CYTH2: variants seen among roughly 807,000 people sequenced by gnomAD.
CYTH2 encodes cytohesin-2.
Under a neutral mutation model 55.4 loss-of-function variants are expected in CYTH2, and 24 were observed. The observed-to-expected ratio is 0.43, with a 90% confidence interval of 0.31 to 0.61. The LOEUF is 0.61. CYTH2 is among the 20% of genes least tolerant of loss of function. CYTH2 has a pLI of 0.08. For synonymous variants in CYTH2, 221 were observed against 209.6 expected, an observed-to-expected ratio of 1.05 and a Z score of -0.47; for missense variants, 378 against 533.5, an observed-to-expected ratio of 0.71 and a Z score of 2.87.
Position 48,478,077 on chromosome 19 carries a change from G to A in CYTH2, c.817G>A (p.Val273Met), listed in dbSNP as rs563715406. The A allele has an allele frequency of 6.2e-7, 1 of 1,613,962 alleles. No homozygotes were observed. The highest frequency in any genetic ancestry group is 8.5e-7 in the Non-Finnish European group (1 of 1,179,974). Reference protein sequence around the residue: ...EGWLLKLGGRVKTWKRRWFIL... With the variant: ...EGWLLKLGGRMKTWKRRWFIL... ...CACCCCTTCCCTTTCAGGGGGCCGG[G>A]TGAAGACGTGGAAGCGGCGCTGGTT... Residue 273 changes from valine to methionine, a missense_variant, in exon 9 of 12, where the codon GTG becomes ATG. Physicochemically the swap from Val to Met is conservative, Grantham distance 21. Transcript: ENST00000452733.
intron 3 of CYTH2, among the ~76,000 whole-genome samples, chr19:48,471,910 G>T (rs1478912545): frequency 6.6e-6 from 1 of 152,132 alleles, no homozygotes; most frequent in Non-Finnish European, 1.5e-5. Context: ...AAATAAATTA[G>T]CCAGGTGTGT....
chr19:48,472,939 C>T, intron 4 of CYTH2: 1 of 319,068 alleles, frequency 3.1e-6, no homozygotes. Flanking sequence ...ATCTGGGGTG[C>T]TTGGGAAGCA....
chr19:48,473,138 C>G (rs1971838248), intron 4 of CYTH2, 160 bp from the exon 5 acceptor site: 1 of 717,912 alleles, frequency 1.4e-6, no homozygotes, highest in Non-Finnish European at 2.4e-6. Context: ...ATCCCCCACC[C>G]TGGGGGCAGG....
At chr19:48,473,412 A>G in intron 5 of CYTH2, 34 bp downstream of exon 5, 2 of 1,605,424 alleles carry the variant, frequency 1.2e-6, no homozygotes, top group South Asian at 2.2e-5. Flanking sequence ...AACGCCAGGA[A>G]TGTACCTGTC....
chr19:48,470,477 G>A lies in CYTH2; in HGVS notation c.144G>A (p.Glu48=). ...EELSEAMSEV[E]GLEANEGSKT... Reference sequence around the variant, plus strand: ...TCAGTGAAGCCATGAGCGAGGTGGAGGGGCTGGAGGCCAATGAGGGCAGGT... The same window carrying A: ...TCAGTGAAGCCATGAGCGAGGTGGAAGGGCTGGAGGCCAATGAGGGCAGGT... The change falls in exon 2 of 12, where the codon GAG becomes GAA. Residue 48 remains glutamate, a synonymous_variant. Coordinates refer to ENST00000452733, the MANE Select transcript of CYTH2 (RefSeq NM_004228.7). 1.9e-6 allele frequency: 3 copies of A among 1,614,054 alleles called. No individual in the cohort carries two copies. The highest frequency in any genetic ancestry group is 2.5e-6 in the Non-Finnish European group (3 of 1,179,922).
intron 8 of CYTH2, 24 bp from the exon 9 acceptor site, chr19:48,478,045 C>T (rs1437127568): frequency 1.2e-6 from 2 of 1,609,498 alleles, no homozygotes; most frequent in Non-Finnish European, 1.7e-6. Flanking sequence ...GAGCCCAGGC[C>T]CCCTCCCACC....
chr19:48,476,766 C>T (rs1427773086), intron 8 of CYTH2: 1 of 152,202 alleles, frequency 6.6e-6, no homozygotes, highest in Non-Finnish European at 1.5e-5. Context: ...ATCCCAGCTA[C>T]TTGGGAGGCT....
In CYTH2 at chr19:48,473,131, C is replaced by T. The variant is rs927315293; in HGVS notation, c.354-167C>T. On this transcript the variant is annotated intron_variant, in intron 4 of 11. Coordinates refer to ENST00000452733, the MANE Select transcript of CYTH2 (RefSeq NM_004228.7). ...CTCCCAAGAGTGTGTTCTGAGCATC[C>T]CCCACCCTGGGGGCAGGCCTGTGTG... is the stretch of plus-strand genomic sequence containing the variant. 1.0e-5 allele frequency: 7 copies of T among 680,492 alleles called. No individual in the cohort carries two copies. The Admixed American group carries it at 1.4e-4, about 14-fold the overall frequency. 42.2% of individuals were successfully genotyped at this position (680,492 alleles called of 1,614,324 possible).
chr19:48,476,000 G>T (rs769986318), intron 8 of CYTH2: 1 of 519,398 alleles, frequency 1.9e-6, no homozygotes, highest in Non-Finnish European at 3.9e-6. Flanking sequence ...CTCAGTGAAG[G>T]GAGTCAAGGT....
In CYTH2 at chr19:48,479,873, C is replaced by G. The variant is rs973109041; in HGVS notation, c.*663C>G. 1 of 148,934 alleles carries G rather than the reference C, an allele frequency of 6.7e-6. No homozygotes were observed. The highest frequency in any genetic ancestry group is 2.4e-5 in the African/African-American group (1 of 40,822). The allele number at this position is 148,934 out of a possible 1,614,324, so 9.2% of individuals were successfully genotyped here. ...GAGGTGGCCCATGTCCTGCAAGGGC[C>G]TTGCTGATGGGATGTCCTGAAGGGC... On this transcript the variant is annotated 3_prime_UTR_variant, in exon 12 of 12. Coordinates refer to ENST00000452733, the MANE Select transcript of CYTH2 (RefSeq NM_004228.7).
At position 48,474,449 on chromosome 19, in the gene CYTH2, A is replaced by G; in HGVS notation, c.696+119A>G. On this transcript the variant is annotated intron_variant, in intron 7 of 11. Coordinates refer to ENST00000452733, the MANE Select transcript of CYTH2 (RefSeq NM_004228.7). This position sits in a 1 kb window ranked among gnomAD's most constrained non-coding sequence, Gnocchi z 4.9. ...CCCTCACCCCCAAGATGGTGCGATC[A>G]TGCCAACTCGTGTGTGATCTTTTTC... 2 of 1,075,216 alleles carry G rather than the reference A, an allele frequency of 1.9e-6. No homozygotes were observed. The highest frequency in any genetic ancestry group is 2.6e-6 in the Non-Finnish European group (2 of 769,062). The allele number at this position is 1,075,216 out of a possible 1,614,324, so 66.6% of individuals were successfully genotyped here.
rs1972025728 is a variant in CYTH2, at chr19:48,480,393, T to A, written c.*1183T>A. On this transcript the variant is annotated 3_prime_UTR_variant, in exon 12 of 12. Transcript: ENST00000452733. The stretch of plus-strand genomic sequence containing the variant: ...GCCCGCTGTGTTCGCTTTTGAGCTC[T>A]CCGATGGGATGCGGCGCTTCGGAAT... The A allele has an allele frequency of 6.6e-6, 1 of 152,214 alleles. No individual in the cohort carries two copies. Among genetic ancestry groups the A allele is most frequent in the African/African-American group, 2.4e-5 (1 of 41,460 alleles). The allele number at this position is 152,214 out of a possible 1,614,324, so 9.4% of individuals were successfully genotyped here.
In CYTH2 at chr19:48,481,484, T is replaced by TA. The variant is rs1972043484; in HGVS notation, c.*2274_*2275insA. ...AGCTCCCAGCACGCTTCTGATTTTT[T>TA]TTGTAGGTTTTTTTTTTTGTTTTTT... On this transcript the variant is annotated 3_prime_UTR_variant, in exon 12 of 12. Coordinates refer to ENST00000452733, the MANE Select transcript of CYTH2 (RefSeq NM_004228.7). 1 of 119,458 alleles carries TA rather than the reference T, an allele frequency of 8.4e-6. No homozygotes were observed. The highest frequency in any genetic ancestry group is 1.8e-5 in the Non-Finnish European group (1 of 54,872). The allele number at this position is 119,458 out of a possible 1,614,324, so 7.4% of individuals were successfully genotyped here. A position where few individuals can be genotyped will look rare whatever the true frequency, so the allele number is the denominator to read the frequency against.
intron 1 of CYTH2, 179 bp downstream of exon 1, chr19:48,469,705 G>A: frequency 3.0e-6 from 3 of 998,230 alleles, no homozygotes; most frequent in Non-Finnish European, 4.3e-6. Context: ...AAAGCCGGGC[G>A]TTCCAGGCCA....
At chr19:48,478,623 AG>A in intron 11 of CYTH2, 31 bp downstream of exon 11, 1 of 1,509,050 alleles carries the variant, frequency 6.6e-7, no homozygotes, top group Non-Finnish European at 8.9e-7. Flanking sequence ...CTGATGGAGG[AG>A]GGGCTGGGGC....
intron 11 of CYTH2, 133 bp downstream of exon 11, chr19:48,478,725 CGGA>C: frequency 3.3e-6 from 2 of 611,068 alleles, no homozygotes; most frequent in Non-Finnish European, 4.8e-6. Flanking sequence ...CTGGGTCTGA[CGGA>C]GGAGGGGCTG....
In CYTH2 at chr19:48,478,093, G is replaced by A. The variant is rs776425963; in HGVS notation, c.833G>A (p.Arg278Gln). 5 of 1,614,012 alleles carry A rather than the reference G, an allele frequency of 3.1e-6. No homozygotes were observed. The highest frequency in any genetic ancestry group is 2.7e-5 in the African/African-American group (2 of 74,938). Residue 278 changes from arginine to glutamine, a missense_variant, in exon 9 of 12, where the codon CGG (arginine) becomes CAG (glutamine). Arg to Gln is a conservative substitution (Grantham distance 43). Transcript: ENST00000452733. ...GGGGGCCGGGTGAAGACGTGGAAGC[G>A]GCGCTGGTTTATCCTCACAGACAAC... ...KLGGRVKTWKRRWFILTDNCL... is the reference protein window; with the variant it reads ...KLGGRVKTWKQRWFILTDNCL...
At chr19:48,478,802 G>T (rs1601029493) in intron 11 of CYTH2, among the ~76,000 whole-genome samples, 1 of 149,548 alleles carries the variant, frequency 6.7e-6, no homozygotes, top group East Asian at 2.0e-4. Flanking sequence ...TCTGACGGAG[G>T]AGGGGCCGGG....
Position 48,470,586 on chromosome 19 carries a change from G to A in CYTH2, c.168-17G>A. ...GCATTGACCCTCCACCCCCAACCCT[G>A]CTCTCTGCTCCTGCAGTAAGACCTT... On this transcript the variant is annotated splice_polypyrimidine_tract_variant and intron_variant, in intron 2 of 11. Transcript: ENST00000452733. The A allele has an allele frequency of 6.2e-7, 1 of 1,614,246 alleles. No individual in the cohort carries two copies. Among genetic ancestry groups the A allele is most frequent in the Non-Finnish European group, 8.5e-7 (1 of 1,180,040 alleles).
Sources: gnomAD v4.1 joint callset for allele counts (sites outside exome capture counted in the v4.1 genomes callset) on GRCh38, gnomAD v4.1.1 for gene constraint, Gnocchi (gnomAD v3.1) non-coding constraint, MANE v1.5 for transcripts, NCBI Gene and HGNC (gene_info 2026-07-23, HGNC 2026-07-21) for gene names.